VRK2: variants seen among roughly 807,000 people sequenced by gnomAD.
VRK2 encodes VRK serine/threonine kinase 2, also known as serine/threonine-protein kinase VRK2.
VRK2 carries 60 observed loss-of-function variants against 57.6 expected under a neutral mutation model. That is an observed-to-expected ratio of 1.04 (90% CI 0.85 to 1.29). VRK2 has a LOEUF of 1.29. Among genes scored for constraint, VRK2 ranks in the 50% most tolerant of loss-of-function variants. The probability of loss-of-function intolerance (pLI) is 0.00; values close to 1 mark genes in which losing one functional copy is unlikely to be tolerated. For synonymous variants in VRK2, 231 were observed against 199.2 expected (o/e 1.16, Z -1.35); for missense variants, 705 against 588.1 (o/e 1.20, Z -2.06).
chr2:58,063,413 T>C (rs191303258), intron 2 of VRK2, among the ~76,000 whole-genome samples: 59 of 152,016 alleles, frequency 3.9e-4, no homozygotes, highest in Admixed American at 3.0e-3. Flanking sequence ...CAAAAATGTA[T>C]TGTACTTGGG....
intron 1 of VRK2, among the ~76,000 whole-genome samples, chr2:58,023,478 C>T (rs991360101): frequency 1.3e-5 from 2 of 151,938 alleles, no homozygotes; most frequent in Admixed American, 6.6e-5. Flanking sequence ...TATGAACATC[C>T]GTATATATGT....
At chr2:57,969,408 G>A (rs1249544002) in intron 1 of VRK2, among the ~76,000 whole-genome samples, 1 of 151,676 alleles carries the variant, frequency 6.6e-6, no homozygotes, top group Non-Finnish European at 1.5e-5. Context: ...AGATCAAGGA[G>A]AAAATACATT....
At chr2:58,120,676 A>G (rs1191687015) in intron 7 of VRK2, among the ~76,000 whole-genome samples, 5 of 152,126 alleles carry the variant, frequency 3.3e-5, no homozygotes, top group African/African-American at 9.7e-5. Context: ...TTAGAGCATT[A>G]ACTTAAGAAT....
chr2:57,989,806 C>T (rs1055753018), intron 1 of VRK2, among the ~76,000 whole-genome samples: 3 of 152,112 alleles, frequency 2.0e-5, no homozygotes, highest in Non-Finnish European at 2.9e-5. Flanking sequence ...CAATGTTTAT[C>T]TCCTGTTTGT....
intron 5 of VRK2, among the ~76,000 whole-genome samples, chr2:58,086,834 G>A (rs1336222762): frequency 6.6e-6 from 1 of 152,142 alleles, no homozygotes; most frequent in Non-Finnish European, 1.5e-5. Context: ...GCTTTCTCTA[G>A]AGCAATTAAT....
intron 7 of VRK2, among the ~76,000 whole-genome samples, chr2:58,111,971 A>G (rs1470482003): frequency 6.6e-5 from 10 of 152,184 alleles, no homozygotes; most frequent in Admixed American, 6.5e-4. Flanking sequence ...ACAATTCTAT[A>G]AAATGTAAAA....
chr2:58,123,028 T>G (rs1677756358), intron 7 of VRK2, 73 bp from the exon 8 acceptor site: 3 of 1,521,130 alleles, frequency 2.0e-6, no homozygotes, highest in Non-Finnish European at 1.8e-6. Flanking sequence ...TATCAGTTTC[T>G]TAAGACTTAA....
chr2:58,047,611 C>A lies in VRK2; in HGVS notation c.-6+743C>A, dbSNP rs1675038094. ...ACTTTGGAGACTTTAAGTTTTAAATCAGTAAATCTGTAATAGGCACCAGCC... is the reference window on the plus strand; with the variant it reads ...ACTTTGGAGACTTTAAGTTTTAAATAAGTAAATCTGTAATAGGCACCAGCC... On this transcript the variant is annotated intron_variant, in intron 1 of 12. Coordinates refer to ENST00000340157, the MANE Select transcript of VRK2 (RefSeq NM_006296.7). The A allele has an allele frequency of 1.6e-5, 5 of 308,358 alleles. No individual in the cohort carries two copies. The South Asian group carries it at 3.8e-4, about 23-fold the overall frequency. The allele number at this position is 308,358 out of a possible 1,614,324, so 19.1% of individuals were successfully genotyped here.
intron 1 of VRK2, among the ~76,000 whole-genome samples, chr2:57,922,549 C>G (rs1670387349): frequency 6.6e-6 from 1 of 151,224 alleles, no homozygotes; most frequent in Non-Finnish European, 1.5e-5. Context: ...CCTCATCATG[C>G]TAAGAGAGTA....
At chr2:57,974,378 A>G (rs1672184320) in intron 1 of VRK2, among the ~76,000 whole-genome samples, 1 of 151,944 alleles carries the variant, frequency 6.6e-6, no homozygotes, top group Admixed American at 6.6e-5. Flanking sequence ...ACTAACATAA[A>G]ATACTCACAC....
chr2:58,096,558 A>C (rs1162782339), intron 7 of VRK2, among the ~76,000 whole-genome samples: 1 of 151,756 alleles, frequency 6.6e-6, no homozygotes, highest in Admixed American at 6.6e-5. Context: ...TTCGTACTTC[A>C]GTGATTGTTT....
rs531228257 is a variant in VRK2 at position 58,021,468 on chromosome 2, C to T, written c.-438-4197C>T. Among the ~76,000 whole-genome samples the T allele has an allele frequency of 7.9e-5, 12 of 152,244 alleles. No homozygotes were observed. In the East Asian group the frequency reaches 9.6e-4, roughly 12 times the overall value. Reference sequence around the variant, plus strand: ...GAATTTTTCTTAATCCCAATTTATACGTATGCTTGGACTAAATATTTATTG... The same window carrying T: ...GAATTTTTCTTAATCCCAATTTATATGTATGCTTGGACTAAATATTTATTG... On this transcript the variant is annotated intron_variant, in intron 1 of 15. Coordinates refer to the VRK2 transcript ENST00000417641.
chr2:58,024,299 C>T (rs1368731236), intron 1 of VRK2, among the ~76,000 whole-genome samples: 1 of 152,166 alleles, frequency 6.6e-6, no homozygotes, highest in Non-Finnish European at 1.5e-5. Context: ...CCACAATTTA[C>T]ACTTGTAAAT....
At chr2:58,002,205 G>A (rs536603172) in intron 1 of VRK2, among the ~76,000 whole-genome samples, 1 of 152,118 alleles carries the variant, frequency 6.6e-6, no homozygotes, top group Admixed American at 6.5e-5. Flanking sequence ...TAAAGGCTGG[G>A]CGTGGTGGTT....
At chr2:58,070,035 G>T (rs1023552640) in intron 2 of VRK2, among the ~76,000 whole-genome samples, 1 of 152,132 alleles carries the variant, frequency 6.6e-6, no homozygotes, top group African/African-American at 2.4e-5. Context: ...TGAGCAGATA[G>T]TACAGAATTC....
intron 1 of VRK2, among the ~76,000 whole-genome samples, chr2:58,000,867 G>A (rs934926642): frequency 1.4e-4 from 22 of 152,210 alleles, no homozygotes; most frequent in African/African-American, 5.1e-4. Context: ...TAGAAATTCA[G>A]AAGCTGGACT....
chr2:58,131,266 G>T (rs772816629), intron 8 of VRK2, among the ~76,000 whole-genome samples: 6 of 150,028 alleles, frequency 4.0e-5, no homozygotes, highest in Non-Finnish European at 5.9e-5. Flanking sequence ...TCTTCAGAAA[G>T]ACCCTTTTTT....
chr2:57,910,509 C>G lies in VRK2; in HGVS notation c.-439+2670C>G, dbSNP rs146412983. Among the ~76,000 whole-genome samples, 239 of 152,264 alleles carry G rather than the reference C, an allele frequency of 1.6e-3. 1 individual carries two copies. The highest frequency in any genetic ancestry group is 2.1e-3 in the Non-Finnish European group (145 of 68,024). ...TGAAGACAAAATGGATCATGACAAG[C>G]CTGTAATATTTGCCATCAATCAGAT... On this transcript the variant is annotated intron_variant, in intron 1 of 15. Coordinates refer to the VRK2 transcript ENST00000417641.
intron 2 of VRK2, among the ~76,000 whole-genome samples, chr2:58,053,410 A>C (rs1310968644): frequency 6.6e-6 from 1 of 152,212 alleles, no homozygotes; most frequent in Admixed American, 6.5e-5. Context: ...TTTTTGGATC[A>C]TGTTGTCGGA....
Sources: allele counts gnomAD v4.1 joint callset (sites outside exome capture counted in the v4.1 genomes callset), GRCh38; gene constraint gnomAD v4.1.1; transcripts MANE v1.5; gene names NCBI Gene and HGNC (gene_info 2026-07-23, HGNC 2026-07-21).